The following PALD1 variants were observed in gnomAD, a reference collection of about 807,000 sequenced individuals.
The protein encoded by PALD1 is paladin.
A neutral mutation model predicts 96.0 loss-of-function variants in PALD1; 57 were observed. The ratio of observed to expected loss-of-function variants is 0.59; its 90% CI spans 0.48 to 0.74. The LOEUF (loss-of-function observed/expected upper bound fraction) is 0.74, where lower values mean the gene tolerates loss of function less well. PALD1 is among the 30% of genes least tolerant of loss of function. The pLI is 0.00. For synonymous variants in PALD1, 464 were observed against 473.6 expected (o/e 0.98, Z 0.26); for missense variants, 1,063 against 1,143.7 (o/e 0.93, Z 1.02).
At chr10:70,533,093 T>A (rs1305696390) in intron 7 of PALD1, 23 bp downstream of exon 7, 1 of 1,557,426 alleles carries the variant, frequency 6.4e-7, no homozygotes, top group South Asian at 1.2e-5. Context: ...CGGGCGCGCA[T>A]GGGGGAGGAG....
chr10:70,514,211 C>G (rs1846575540), intron 1 of PALD1, among the ~76,000 whole-genome samples: 3 of 152,214 alleles, frequency 2.0e-5, no homozygotes, highest in Admixed American at 1.3e-4. Flanking sequence ...GCCATGAGGC[C>G]TCCTTCCTGC....
chr10:70,529,225 C>A lies in PALD1; in HGVS notation c.186-4C>A, dbSNP rs778468288. ...TCCATTCTGCCCCCCCCCCCCCCCC[C>A]CAGGTACAACTGCAAGGAGGAGTTC... is the stretch of plus-strand genomic sequence containing the variant. On this transcript the variant is annotated splice_region_variant and splice_polypyrimidine_tract_variant and intron_variant, in intron 2 of 19. Transcript: ENST00000263563. 3.5e-5 allele frequency: 10 copies of A among 288,418 alleles called. No individual in the cohort carries two copies. Among genetic ancestry groups the A allele is most frequent in the Non-Finnish European group, 5.9e-5 (9 of 153,452 alleles). 17.9% of individuals were successfully genotyped at this position (288,418 alleles called of 1,614,324 possible).
chr10:70,504,778 G>A (rs1287342527), intron 1 of PALD1, among the ~76,000 whole-genome samples: 2 of 152,186 alleles, frequency 1.3e-5, no homozygotes, highest in Admixed American at 6.5e-5. Flanking sequence ...CTGAAGTATG[G>A]TGAAGAAAAT....
intron 18 of PALD1, among the ~76,000 whole-genome samples, chr10:70,550,269 T>A (rs76150317): frequency 0.03 from 4,636 of 152,210 alleles, 133 homozygotes; most frequent in African/African-American, 0.077. Context: ...TCCCAGGTGA[T>A]TCCAACACAC....
At chr10:70,464,371 C>T in the PALD1 span, among the ~76,000 whole-genome samples, 1,830 of 151,936 alleles carry the variant, frequency 0.012, 16 homozygotes, top group Non-Finnish European at 0.018. Flanking sequence ...GCCACCATGC[C>T]CAGCTAATTT....
At chr10:70,517,395 G>T (rs1038686445) in intron 1 of PALD1, among the ~76,000 whole-genome samples, 1 of 148,902 alleles carries the variant, frequency 6.7e-6, no homozygotes, top group East Asian at 2.0e-4. Flanking sequence ...AGGCTGGAGT[G>T]CAGTGGTGCA....
chr10:70,521,261 TGC>T (rs201013803), intron 1 of PALD1, among the ~76,000 whole-genome samples: 4 of 151,612 alleles, frequency 2.6e-5, no homozygotes, highest in Admixed American at 6.6e-5. Flanking sequence ...GAGGTGCTTT[TGC>T]TGCTAGGGTC....
rs573263012 is a variant in PALD1 at position 70,509,797 on chromosome 10, C to T, written c.-29-16126C>T. Among the ~76,000 whole-genome samples the T allele has an allele frequency of 3.3e-5, 5 of 152,252 alleles. No homozygotes were observed. The South Asian group carries it at 1.0e-3, about 32-fold the overall frequency. On this transcript the variant is annotated intron_variant, in intron 1 of 19. Transcript: ENST00000263563. ...CTCTCTAGGAGGGCACAGGTTGGGT[C>T]TGGGGGCAGGAAGCGCTGCAGCTTC...
Position 70,478,808 on chromosome 10 carries a change from C to G in PALD1, c.-281C>G, listed in dbSNP as rs1003985853. On this transcript the variant is annotated 5_prime_UTR_variant, in exon 1 of 20. Coordinates refer to ENST00000263563, the MANE Select transcript of PALD1 (RefSeq NM_014431.3). The stretch of plus-strand genomic sequence containing the variant: ...GCGCTGGGGAGCAGCGCGGCGCGCA[C>G]GGGCCGGGGCGCGCAGGTCCCGTCG... The G allele has an allele frequency of 4.0e-5, 6 of 151,610 alleles. No homozygotes were observed. Among genetic ancestry groups the G allele is most frequent in the Non-Finnish European group, 8.8e-5 (6 of 67,830 alleles). The allele number at this position is 151,610 out of a possible 1,614,324, so 9.4% of individuals were successfully genotyped here. A position where few individuals can be genotyped will look rare whatever the true frequency, so the allele number is the denominator to read the frequency against.
At chr10:70,486,370 T>C (rs886420513) in intron 1 of PALD1, 1 of 153,728 alleles carries the variant, frequency 6.5e-6, no homozygotes, top group African/African-American at 2.4e-5. Flanking sequence ...GACTGAACCC[T>C]TCATCCTGGG....
Position 70,566,719 on chromosome 10 carries a change from G to T in PALD1, c.2557G>T (p.Glu853Ter). The change falls in exon 20 of 20, where the codon GAG becomes TAG. Residue 853 changes from glutamate to a stop codon, truncating the protein, a stop_gained. Transcript: ENST00000263563. LOFTEE classifies it high-confidence loss of function. Reference protein sequence around the residue: ...QSCSLEPSAPEDLL With the variant: ...QSCSLEPSAP Reference sequence around the variant, plus strand: ...CTGCAGCCTCGAGCCCTCTGCCCCCGAGGACTTGCTGTAGGGGGCCTTACT... The same window carrying T: ...CTGCAGCCTCGAGCCCTCTGCCCCCTAGGACTTGCTGTAGGGGGCCTTACT... The T allele has an allele frequency of 6.3e-7, 1 of 1,597,752 alleles. No individual in the cohort carries two copies.
At chr10:70,470,976 T>G in the PALD1 span, among the ~76,000 whole-genome samples, 2 of 151,598 alleles carry the variant, frequency 1.3e-5, no homozygotes, top group Admixed American at 1.3e-4. Context: ...TAATTTAGTT[T>G]TTTTTTTTTT....
At chr10:70,526,610 G>C (rs1846873686) in intron 2 of PALD1, among the ~76,000 whole-genome samples, 1 of 152,146 alleles carries the variant, frequency 6.6e-6, no homozygotes, top group African/African-American at 2.4e-5. Context: ...GGCTTGTTCT[G>C]GCAGCATGTT....
chr10:70,504,649 A>G (rs375152983), intron 1 of PALD1, among the ~76,000 whole-genome samples: 1 of 152,248 alleles, frequency 6.6e-6, no homozygotes, highest in Non-Finnish European at 1.5e-5. Flanking sequence ...AAAAAATTGA[A>G]TAGGAAGCGT....
At chr10:70,501,841 G>GCGCT (rs1554854875) in intron 1 of PALD1, among the ~76,000 whole-genome samples, 1 of 151,882 alleles carries the variant, frequency 6.6e-6, no homozygotes, top group African/African-American at 2.4e-5. Context: ...GTGTGCGTGC[G>GCGCT]TGCATGCATA....
chr10:70,550,188 T>G (rs1847453314), intron 18 of PALD1, among the ~76,000 whole-genome samples: 1 of 152,204 alleles, frequency 6.6e-6, no homozygotes, highest in African/African-American at 2.4e-5. Flanking sequence ...GTGGCAGAGC[T>G]CCATCCCTAG....
At position 70,532,659 on chromosome 10, in the gene PALD1, T is replaced by C. The variant is rs1847017280; in HGVS notation, c.672T>C (p.His224=). 3 of 1,614,054 alleles carry C rather than the reference T, an allele frequency of 1.9e-6. No homozygotes were observed. The highest frequency in any genetic ancestry group is 4.5e-5 in the East Asian group (2 of 44,888). ...CCCAGCTGAGCGAGAACACATACCA[T>C]GTGTACCATAACACCGAGGACCTGT... is the stretch of plus-strand genomic sequence containing the variant. ...DFAQLSENTY[H]VYHNTEDLWG... Residue 224 remains histidine, a synonymous_variant, in exon 6 of 20, where the codon CAT becomes CAC. Coordinates refer to ENST00000263563, the MANE Select transcript of PALD1 (RefSeq NM_014431.3).
chr10:70,551,443 G>A (rs1847476205), intron 18 of PALD1, among the ~76,000 whole-genome samples: 1 of 152,132 alleles, frequency 6.6e-6, no homozygotes, highest in South Asian at 2.1e-4. Flanking sequence ...GCTTGGGTAG[G>A]GCTTTATCCC....
chr10:70,544,573 G>C (rs1389836079), intron 17 of PALD1, among the ~76,000 whole-genome samples: 1 of 152,076 alleles, frequency 6.6e-6, no homozygotes, highest in Non-Finnish European at 1.5e-5. Context: ...AGGGCTCCTG[G>C]ATGTGGGGTG....
Sources: gnomAD v4.1 joint callset for allele counts (sites outside exome capture counted in the v4.1 genomes callset) on GRCh38, gnomAD v4.1.1 for gene constraint, MANE v1.5 for transcripts, NCBI Gene and HGNC (gene_info 2026-07-23, HGNC 2026-07-21) for gene names.